Variants in NAV1 observed in about 807,000 individuals in gnomAD.
NAV1 encodes neuron navigator 1, also known as pore membrane and/or filament interacting like protein 3.
Under a neutral mutation model 175.2 loss-of-function variants are expected in NAV1, and 18 were observed. That is an observed-to-expected ratio of 0.10 (90% CI 0.07 to 0.15). NAV1 has a LOEUF of 0.15. Among genes scored for constraint, NAV1 ranks in the 10% least tolerant of loss-of-function variants. NAV1 has a pLI of 1.00. For missense variants in NAV1, 1,731 were observed against 2,436.6 expected (o/e 0.71, Z 6.10); for synonymous variants, 897 against 978.7 (o/e 0.92, Z 1.56).
chr1:201,572,581 G>A (rs1666577135), intron 1 of NAV1, among the ~76,000 whole-genome samples: 1 of 151,698 alleles, frequency 6.6e-6, no homozygotes, highest in South Asian at 2.1e-4. Context: ...TATTGGCCAG[G>A]CTGGTCTCAA....
chr1:201,735,977 G>A (rs1045403409), intron 3 of NAV1, among the ~76,000 whole-genome samples: 2 of 152,062 alleles, frequency 1.3e-5, no homozygotes, highest in Non-Finnish European at 2.9e-5. Flanking sequence ...CTCCATTCTG[G>A]TTTAATTCTT....
At chr1:201,688,655 A>C (rs989422984) in intron 1 of NAV1, among the ~76,000 whole-genome samples, 2 of 152,160 alleles carry the variant, frequency 1.3e-5, no homozygotes, top group African/African-American at 2.4e-5. Flanking sequence ...CCCCCATCGA[A>C]AATAATTATT....
At chr1:201,784,837 G>T (rs536528423) in intron 7 of NAV1, among the ~76,000 whole-genome samples, 2 of 152,140 alleles carry the variant, frequency 1.3e-5, no homozygotes, top group African/African-American at 4.8e-5. Context: ...CGCGATCTTG[G>T]CTCACTTGCA....
At chr1:201,717,639 C>T (rs950586149) in intron 2 of NAV1, among the ~76,000 whole-genome samples, 1 of 152,246 alleles carries the variant, frequency 6.6e-6, no homozygotes, top group Non-Finnish European at 1.5e-5. Flanking sequence ...ACCCCCATGT[C>T]TGGTTCCCTG....
intron 2 of NAV1, among the ~76,000 whole-genome samples, chr1:201,716,927 G>A (rs749525420): frequency 6.6e-6 from 1 of 152,100 alleles, no homozygotes; most frequent in African/African-American, 2.4e-5. Context: ...GAGGGGAGCC[G>A]CTGGGCATGG....
chr1:201,546,925 A>G (rs1005663973), intron 1 of NAV1, among the ~76,000 whole-genome samples: 2 of 151,662 alleles, frequency 1.3e-5, no homozygotes, highest in African/African-American at 4.8e-5. Context: ...AAAAAAAGTA[A>G]TTTGTTGACA....
intron 2 of NAV1, among the ~76,000 whole-genome samples, chr1:201,598,794 C>T (rs975954392): frequency 3.3e-5 from 5 of 152,162 alleles, no homozygotes; most frequent in African/African-American, 1.2e-4. Context: ...AAACTACAAG[C>T]TGGTAGGGTC....
At chr1:201,749,313 A>G (rs981632020) in intron 3 of NAV1, among the ~76,000 whole-genome samples, 1 of 152,262 alleles carries the variant, frequency 6.6e-6, no homozygotes, top group African/African-American at 2.4e-5. Context: ...GAGGTGAAGC[A>G]AAGAGAAATA....
At chr1:201,642,633 T>C (rs1377017050) in intron 2 of NAV1, among the ~76,000 whole-genome samples, 1 of 148,432 alleles carries the variant, frequency 6.7e-6, no homozygotes, top group Non-Finnish European at 1.5e-5. Flanking sequence ...TCCTTTTCCT[T>C]CCTTCCTTCC....
chr1:201,577,030 A>C (rs539157284), intron 1 of NAV1, among the ~76,000 whole-genome samples: 8 of 152,264 alleles, frequency 5.3e-5, no homozygotes, highest in African/African-American at 1.9e-4. Flanking sequence ...TTGCTCTGTC[A>C]TCTAGGCTGG....
At position 201,694,564 on chromosome 1, in the gene NAV1, G is replaced by A. The variant is rs931434518; in HGVS notation, c.758-18253G>A. On this transcript the variant is annotated intron_variant, in intron 1 of 29. Coordinates refer to ENST00000367296, the Ensembl canonical transcript of NAV1. The surrounding 1 kb of genome is among the most constrained non-coding windows in gnomAD (Gnocchi z 4.2). ...CAGCCCTGGCTGCAGAGGGAGGAGG[G>A]TAAGTCTGGGAAGCTGGCCCCAGTG... Among the ~76,000 whole-genome samples, 16 of 152,140 alleles carry A rather than the reference G, an allele frequency of 1.1e-4. No individual in the cohort carries two copies. The highest frequency in any genetic ancestry group is 3.9e-4 in the African/African-American group (16 of 41,432).
At chr1:201,679,290 G>T (rs1670377310) in intron 1 of NAV1, among the ~76,000 whole-genome samples, 1 of 152,166 alleles carries the variant, frequency 6.6e-6, no homozygotes, top group African/African-American at 2.4e-5. Flanking sequence ...AATTACCGGT[G>T]TGCATCTGGG....
chr1:201,550,010 C>CAAAA, intron 1 of NAV1, among the ~76,000 whole-genome samples: 1 of 17,706 alleles, frequency 5.6e-5, no homozygotes, highest in Non-Finnish European at 1.1e-4. Context: ...GACTCCATCT[C>CAAAA]AAAAAAAAAA....
intron 1 of NAV1, among the ~76,000 whole-genome samples, chr1:201,689,139 T>C (rs1411391749): frequency 6.6e-6 from 1 of 152,206 alleles, no homozygotes; most frequent in Non-Finnish European, 1.5e-5. Context: ...GTCCTCCACC[T>C]TTTTGTAGGA....
chr1:201,634,653 G>A (rs1438263918), intron 2 of NAV1, among the ~76,000 whole-genome samples: 2 of 152,198 alleles, frequency 1.3e-5, no homozygotes, highest in Non-Finnish European at 2.9e-5. Context: ...GGAGGGAGGA[G>A]ATTGACTTTT....
chr1:201,739,599 G>C (rs1031675780), intron 3 of NAV1: 2 of 177,018 alleles, frequency 1.1e-5, no homozygotes, highest in Non-Finnish European at 2.3e-5. Context: ...GCGAGTAAGA[G>C]CGCCCAAGGG....
intron 1 of NAV1, among the ~76,000 whole-genome samples, chr1:201,684,879 C>T (rs1057277420): frequency 6.0e-5 from 9 of 150,074 alleles, no homozygotes; most frequent in East Asian, 4.0e-4. Context: ...AGGAGAATGA[C>T]GTGACCCCGG....
chr1:201,701,426 AAAG>A (rs1036777148), intron 1 of NAV1, among the ~76,000 whole-genome samples: 16 of 67,172 alleles, frequency 2.4e-4, no homozygotes, highest in Admixed American at 1.1e-3. Context: ...AAAAATAAAA[AAAG>A]AAAAAGAAAA....
chr1:201,750,549 C>T lies in NAV1; in HGVS notation c.1227-29872C>T, dbSNP rs549357540. Among the ~76,000 whole-genome samples, 45 of 152,276 alleles carry T rather than the reference C, an allele frequency of 3.0e-4. No homozygotes were observed. Among genetic ancestry groups the T allele is most frequent in the African/African-American group, 1.0e-3 (43 of 41,572 alleles). On this transcript the variant is annotated intron_variant, in intron 3 of 29. Transcript: ENST00000367296. The surrounding 1 kb of genome is among the most constrained non-coding windows in gnomAD (Gnocchi z 4.1). Reference sequence around the variant, plus strand: ...TGCAAGCCACCAGATTAGGTCTTTTCCATGTCTTTCTTTCTCCAAATCTAT... The same window carrying T: ...TGCAAGCCACCAGATTAGGTCTTTTTCATGTCTTTCTTTCTCCAAATCTAT...
Sources: allele counts gnomAD v4.1 joint callset (sites outside exome capture counted in the v4.1 genomes callset), GRCh38; gene constraint gnomAD v4.1.1; non-coding constraint Gnocchi (gnomAD v3.1); transcripts MANE v1.5; gene names NCBI Gene and HGNC (gene_info 2026-07-23, HGNC 2026-07-21).